ANKRD55: variants seen among roughly 807,000 people sequenced by gnomAD.
The protein encoded by ANKRD55 is ankyrin repeat domain-containing protein 55.
ANKRD55 carries 41 observed loss-of-function variants against 60.6 expected under a neutral mutation model. That is an observed-to-expected ratio of 0.68 (90% confidence interval 0.53 to 0.88). ANKRD55 has a LOEUF of 0.88. ANKRD55 is among the 40% of genes least tolerant of loss of function. ANKRD55 has a pLI of 0.00. For missense variants in ANKRD55, 732 were observed against 767.6 expected, an observed-to-expected ratio of 0.95 and a Z score of 0.55; for synonymous variants, 264 against 290.3, an observed-to-expected ratio of 0.91 and a Z score of 0.92.
At position 56,183,613 on chromosome 5, in the gene ANKRD55, T is replaced by C; in HGVS notation, c.80A>G (p.Asp27Gly). Reference protein sequence around the residue: ...QQRGDSSEEVDLTMVYQAASN... With the variant: ...QQRGDSSEEVGLTMVYQAASN... ...GGCTGCTTGATAAACCATGGTCAGG[T>C]CAACTTCCTCAGATGAGTCACCTTC... The change falls in exon 3 of 12, where the codon GAC becomes GGC. Residue 27 changes from aspartate (D) to glycine (G), a missense_variant. This residue lies in a region of ANKRD55 where 131 missense variants were observed against 142.7 expected (regional missense o/e 0.92). Transcript: ENST00000341048. The C allele has an allele frequency of 6.2e-7, 1 of 1,614,164 alleles. No individual in the cohort carries two copies. Among genetic ancestry groups the C allele is most frequent in the Non-Finnish European group, 8.5e-7 (1 of 1,180,010 alleles).
chr5:56,151,112 C>A (rs1050147552), intron 6 of ANKRD55, among the ~76,000 whole-genome samples: 3 of 152,116 alleles, frequency 2.0e-5, no homozygotes, highest in Admixed American at 6.5e-5. Flanking sequence ...CCTGCCTCGG[C>A]CTCCCAAAGG....
chr5:56,100,374 G>T, intron 11 of ANKRD55, 70 bp from the exon 12 acceptor site: 2 of 1,591,986 alleles, frequency 1.3e-6, no homozygotes, highest in Non-Finnish European at 1.7e-6. Context: ...CAGGAGAATT[G>T]TATTGTGTTT....
In ANKRD55 at chr5:56,206,916, G is replaced by A. The variant is rs368715477; in HGVS notation, c.59-23282C>T. Among the ~76,000 whole-genome samples the A allele has an allele frequency of 3.7e-4, 56 of 152,312 alleles. 1 individual carries two copies. Among genetic ancestry groups the A allele is most frequent in the African/African-American group, 1.3e-3 (53 of 41,572 alleles). On this transcript the variant is annotated intron_variant, in intron 2 of 11. Transcript: ENST00000341048. ...GTGGCAGGTAGTGTCTGCCGGGGTGGCAGGGCTGGTGGACCGGCTAGCAGT... is the reference window on the plus strand; with the variant it reads ...GTGGCAGGTAGTGTCTGCCGGGGTGACAGGGCTGGTGGACCGGCTAGCAGT...
At chr5:56,206,536 C>A (rs1444346811) in intron 2 of ANKRD55, among the ~76,000 whole-genome samples, 1 of 152,196 alleles carries the variant, frequency 6.6e-6, no homozygotes, top group Non-Finnish European at 1.5e-5. Flanking sequence ...GGAGCCCCTG[C>A]ATCATGCAAT....
intron 9 of ANKRD55, among the ~76,000 whole-genome samples, chr5:56,113,985 A>AAT (rs1756812699): frequency 5.5e-5 from 3 of 54,726 alleles, no homozygotes. Context: ...AAATATGTAT[A>AAT]CTATATATAT....
At chr5:56,183,386 C>T in intron 3 of ANKRD55, 126 bp downstream of exon 3, 1 of 1,263,978 alleles carries the variant, frequency 7.9e-7, no homozygotes, top group Non-Finnish European at 1.1e-6. Context: ...GATGTGGTAC[C>T]TGCACATAGG....
chr5:56,208,245 G>A (rs931234692), intron 2 of ANKRD55, among the ~76,000 whole-genome samples: 10 of 151,066 alleles, frequency 6.6e-5, no homozygotes, highest in African/African-American at 2.4e-4. Context: ...GCCTTCTTTT[G>A]GAATACCTCC....
chr5:56,135,290 G>GCCTGCTTT lies in ANKRD55; in HGVS notation c.613-8185_613-8184insAAAGCAGG, dbSNP rs1554038504. On this transcript the variant is annotated intron_variant, in intron 7 of 11. Coordinates refer to ENST00000341048, the MANE Select transcript of ANKRD55 (RefSeq NM_024669.3). ...TCCCTCCCTCCCTCCCTGCCTGCCTGCTTGCTTTCTTTCTTTCTTTCTTTC... is the reference window on the plus strand; with the variant it reads ...TCCCTCCCTCCCTCCCTGCCTGCCTGCCTGCTTTCTTGCTTTCTTTCTTTCTTTCTTTC... Among the ~76,000 whole-genome samples, 205 of 69,282 alleles carry GCCTGCTTT rather than the reference G, an allele frequency of 3.0e-3. 1 individual carries two copies. Among genetic ancestry groups the GCCTGCTTT allele is most frequent in the Middle Eastern group, 7.2e-3 (1 of 138 alleles). The allele number at this position is 69,282 out of a possible 152,430, so 45.5% of individuals were successfully genotyped here. A position where few individuals can be genotyped will look rare whatever the true frequency, so the allele number is the denominator to read the frequency against.
intron 7 of ANKRD55, among the ~76,000 whole-genome samples, chr5:56,138,369 G>A (rs1336936277): frequency 1.3e-5 from 2 of 151,894 alleles, no homozygotes; most frequent in East Asian, 1.9e-4. Context: ...CTCATGATCC[G>A]CCCGCCTTGG....
intron 2 of ANKRD55, among the ~76,000 whole-genome samples, chr5:56,226,922 CAG>C (rs1029690450): frequency 5.3e-5 from 8 of 152,194 alleles, no homozygotes; most frequent in African/African-American, 1.9e-4. Flanking sequence ...TTGTGGAAGA[CAG>C]TGTGGTGATT....
chr5:56,168,177 G>C (rs1245361150), intron 5 of ANKRD55, among the ~76,000 whole-genome samples: 1 of 152,192 alleles, frequency 6.6e-6, no homozygotes, highest in Non-Finnish European at 1.5e-5. Flanking sequence ...TGTGTCATTT[G>C]CAGGCTGAGG....
intron 9 of ANKRD55, among the ~76,000 whole-genome samples, chr5:56,112,371 A>G (rs1279439629): frequency 6.6e-6 from 1 of 152,036 alleles, no homozygotes; most frequent in African/African-American, 2.4e-5. Context: ...TACTTTTAAA[A>G]AAAGTATGCT....
rs1756320518 is a variant in ANKRD55, at chr5:56,102,592, G to T, written c.1631-6C>A. 5.6e-6 allele frequency: 9 copies of T among 1,606,648 alleles called. No individual in the cohort carries two copies. The highest frequency in any genetic ancestry group is 7.7e-6 in the Non-Finnish European group (9 of 1,173,976). On this transcript the variant is annotated splice_region_variant and splice_polypyrimidine_tract_variant and intron_variant, in intron 10 of 11. Transcript: ENST00000341048. ...AAGATGCTGAAAATTTTGTCCTGAA[G>T]ATAAACATATTTGCATCAATTACTT...
chr5:56,159,935 A>G lies in ANKRD55; in HGVS notation c.423-42T>C, dbSNP rs761648591. Reference sequence around the variant, plus strand: ...GGAGAAATGGCTCAAAATAACAGGCAGTCACGGTGCTCTTGGAATCGGTAT... The same window carrying G: ...GGAGAAATGGCTCAAAATAACAGGCGGTCACGGTGCTCTTGGAATCGGTAT... On this transcript the variant is annotated intron_variant, in intron 5 of 11. Coordinates refer to ENST00000341048, the MANE Select transcript of ANKRD55 (RefSeq NM_024669.3). The G allele has an allele frequency of 3.5e-5, 55 of 1,562,564 alleles. No individual in the cohort carries two copies. In the East Asian group the frequency reaches 1.2e-3, roughly 35 times the overall value.
intron 5 of ANKRD55, among the ~76,000 whole-genome samples, chr5:56,167,688 T>C (rs2111808321): frequency 6.6e-6 from 1 of 152,296 alleles, no homozygotes; most frequent in South Asian, 2.1e-4. Context: ...CAGAAGGATG[T>C]TTATTTTTCT....
intron 2 of ANKRD55, among the ~76,000 whole-genome samples, chr5:56,213,791 C>T (rs1759737547): frequency 6.6e-6 from 1 of 152,314 alleles, no homozygotes; most frequent in Non-Finnish European, 1.5e-5. Context: ...ACTGCAAAGC[C>T]TATGAGTGTC....
At position 56,100,294 on chromosome 5, in the gene ANKRD55, T is replaced by C; in HGVS notation, c.1734A>G (p.Gly578=). 1.2e-6 allele frequency: 2 copies of C among 1,614,136 alleles called. No homozygotes were observed. The highest frequency in any genetic ancestry group is 1.6e-4 in the Middle Eastern group (1 of 6,062). ...GCACTCGGTTTGTCCGCAGAGGTTC[T>C]CCAGATAGAACTGGGAAGAAAGAAT... ...APLPDQKFLS[G]EPLRTNRVLP... Residue 578 remains glycine, a synonymous_variant, in exon 12 of 12, where the codon GGA becomes GGG. Transcript: ENST00000341048.
At chr5:56,230,504 G>A (rs1457956455) in intron 2 of ANKRD55, among the ~76,000 whole-genome samples, 1 of 152,174 alleles carries the variant, frequency 6.6e-6, no homozygotes, top group Non-Finnish European at 1.5e-5. Context: ...AGTACTGCTA[G>A]GGTTCACTTA....
At chr5:56,120,821 C>G (rs966788322) in intron 8 of ANKRD55, among the ~76,000 whole-genome samples, 1 of 151,518 alleles carries the variant, frequency 6.6e-6, no homozygotes, top group African/African-American at 2.4e-5. Context: ...ATTGCTTGAA[C>G]CTGGGAGGCA....
Sources: allele counts gnomAD v4.1 joint callset (sites outside exome capture counted in the v4.1 genomes callset), GRCh38; gene constraint gnomAD v4.1.1; regional missense constraint gnomAD v4.1.1; transcripts MANE v1.5; gene names NCBI Gene and HGNC (gene_info 2026-07-23, HGNC 2026-07-21).